Variants in HECTD2 observed in about 807,000 individuals in gnomAD.
HECTD2 encodes HECT domain E3 ubiquitin protein ligase 2, also known as probable E3 ubiquitin-protein ligase HECTD2.
HECTD2 carries 35 observed loss-of-function variants against 103.2 expected under a neutral mutation model. The ratio of observed to expected loss-of-function variants is 0.34; its 90% CI spans 0.26 to 0.45. The LOEUF (loss-of-function observed/expected upper bound fraction) is 0.45, where lower values mean the gene tolerates loss of function less well. Ranked by LOEUF, HECTD2 falls within the 20% of genes least tolerant of loss-of-function variation. HECTD2 has a pLI of 1.00. For synonymous variants in HECTD2, 281 were observed against 329.9 expected (o/e 0.85, Z 1.61); for missense variants, 596 against 937.4 (o/e 0.64, Z 4.76).
intron 1 of HECTD2, among the ~76,000 whole-genome samples, chr10:91,423,002 T>A (rs937593382): frequency 1.3e-5 from 2 of 152,172 alleles, no homozygotes; most frequent in Non-Finnish European, 2.9e-5. Context: ...TACACTTAGT[T>A]GTTCTGCTTA....
intron 20 of HECTD2, 59 bp from the exon 21 acceptor site, chr10:91,512,205 T>A (rs1847449595): frequency 1.9e-6 from 3 of 1,568,736 alleles, no homozygotes; most frequent in Non-Finnish European, 1.7e-6. Context: ...TAAAGTTGCA[T>A]AGCAGTCATT....
At chr10:91,458,536 T>C (rs1845209443) in intron 2 of HECTD2, among the ~76,000 whole-genome samples, 1 of 152,004 alleles carries the variant, frequency 6.6e-6, no homozygotes, top group Non-Finnish European at 1.5e-5. Context: ...ATTATATAGC[T>C]ACAATAATCA....
intron 5 of HECTD2, among the ~76,000 whole-genome samples, chr10:91,473,592 G>A (rs116732929): frequency 0.016 from 2,360 of 152,212 alleles, 58 homozygotes; most frequent in African/African-American, 0.054. Flanking sequence ...TTCCGCCTCT[G>A]CCATGTCTGA....
intron 8 of HECTD2, 132 bp downstream of exon 8, chr10:91,483,208 A>G (rs922600872): frequency 4.5e-6 from 2 of 441,044 alleles, no homozygotes. Context: ...CAATGCTTCA[A>G]AAGCCAGTTA....
chr10:91,429,893 A>C, intron 2 of HECTD2, among the ~76,000 whole-genome samples: 1 of 151,636 alleles, frequency 6.6e-6, no homozygotes, highest in Non-Finnish European at 1.5e-5. Flanking sequence ...TTCTGCTCTG[A>C]TTTTAGTTAT....
At chr10:91,486,661 T>A (rs1210118934) in intron 10 of HECTD2, 1 of 152,184 alleles carries the variant, frequency 6.6e-6, no homozygotes, top group Non-Finnish European at 1.5e-5. Context: ...AAGGGAAAGG[T>A]TGAGAACCCC....
At chr10:91,432,806 C>G (rs1004417227) in intron 2 of HECTD2, among the ~76,000 whole-genome samples, 1 of 151,920 alleles carries the variant, frequency 6.6e-6, no homozygotes, top group Non-Finnish European at 1.5e-5. Context: ...ATAATGAATT[C>G]TGTAGTTTTT....
intron 15 of HECTD2, among the ~76,000 whole-genome samples, chr10:91,497,069 C>T (rs1463508972): frequency 1.3e-5 from 2 of 149,524 alleles, no homozygotes; most frequent in Admixed American, 6.7e-5. Context: ...AAGTGATTCT[C>T]GTGCCTCAGC....
intron 2 of HECTD2, among the ~76,000 whole-genome samples, chr10:91,445,820 G>C (rs1274897349): frequency 2.0e-5 from 3 of 152,086 alleles, no homozygotes; most frequent in African/African-American, 7.2e-5. Context: ...GAAGTCGTGA[G>C]AGACTGTGCC....
chr10:91,502,392 C>T (rs1389292541), intron 20 of HECTD2, among the ~76,000 whole-genome samples: 2 of 152,184 alleles, frequency 1.3e-5, no homozygotes, highest in Non-Finnish European at 2.9e-5. Flanking sequence ...AGCCAAAAGT[C>T]ATTATGTATT....
chr10:91,431,921 G>A (rs2133069535), intron 2 of HECTD2, among the ~76,000 whole-genome samples: 2 of 152,144 alleles, frequency 1.3e-5, no homozygotes, highest in South Asian at 4.1e-4. Flanking sequence ...CATTACTGGT[G>A]AGGAACTGCG....
chr10:91,430,008 G>C (rs1843767460), intron 2 of HECTD2, among the ~76,000 whole-genome samples: 1 of 151,972 alleles, frequency 6.6e-6, no homozygotes, highest in African/African-American at 2.4e-5. Context: ...TTTCTCTTGT[G>C]GGCATTTAGT....
At position 91,421,140 on chromosome 10, in the gene HECTD2, C is replaced by T. The variant is rs901204345; in HGVS notation, c.139-4141C>T. On this transcript the variant is annotated intron_variant, in intron 1 of 20. Transcript: ENST00000298068. Reference sequence around the variant, plus strand: ...ATTTGTCAATTTATTTTGTATAGTCCGTGCCACCACCATTACCCTAAATCT... The same window carrying T: ...ATTTGTCAATTTATTTTGTATAGTCTGTGCCACCACCATTACCCTAAATCT... Among the ~76,000 whole-genome samples, 10 of 152,128 alleles carry T rather than the reference C, an allele frequency of 6.6e-5. No individual in the cohort carries two copies. The South Asian group carries it at 8.3e-4, about 13-fold the overall frequency.
chr10:91,444,661 T>G (rs1235824380), intron 2 of HECTD2, among the ~76,000 whole-genome samples: 1 of 152,212 alleles, frequency 6.6e-6, no homozygotes, highest in Non-Finnish European at 1.5e-5. Context: ...ACAGGCTTTC[T>G]GCCTGTTCTC....
At chr10:91,409,348 G>A (rs965047958), upstream of HECTD2, 1 of 152,206 alleles carries the variant, frequency 6.6e-6, no homozygotes, top group African/African-American at 2.4e-5. Flanking sequence ...ATAATTAAAA[G>A]CTCTCTTCTT....
At chr10:91,410,337 G>A (rs957705525), upstream of HECTD2, 59 of 634,710 alleles carry the variant, frequency 9.3e-5, no homozygotes, top group African/African-American at 1.1e-3. Flanking sequence ...GCTAGAAGCG[G>A]CAGCCCAGAG....
In HECTD2 at chr10:91,431,847, A is replaced by G. The variant is rs575480053; in HGVS notation, c.268+6437A>G. 4.1e-4 allele frequency among the ~76,000 whole-genome samples: 63 copies of G among 152,170 alleles called. No homozygotes were observed. In the South Asian group the frequency reaches 0.011, roughly 28 times the overall value. On this transcript the variant is annotated intron_variant, in intron 2 of 20. Transcript: ENST00000298068. The stretch of plus-strand genomic sequence containing the variant: ...TGAATTTCCTCCTGTAGCTCGGAGT[A>G]GTTTGATTGTCTGAAGCCTTCTTCT...
Position 91,490,890 on chromosome 10 carries a change from C to CAAAA in HECTD2, c.1192-284_1192-281dup, listed in dbSNP as rs61035151. 5.2e-3 allele frequency among the ~76,000 whole-genome samples: 71 copies of CAAAA among 13,586 alleles called. 2 individuals are homozygous for CAAAA. Among genetic ancestry groups the CAAAA allele is most frequent in the East Asian group, 0.022 (8 of 362 alleles). 8.9% of individuals were successfully genotyped at this position (13,586 alleles called of 152,430 possible). ...TGGGCGAAAGAGTGAGACTCCGTCT[C>CAAAA]AAAAAAAAAAAAAAAAAAAAAAAAA... On this transcript the variant is annotated intron_variant, in intron 11 of 20. Transcript: ENST00000298068.
At chr10:91,427,772 C>T (rs555506108) in intron 2 of HECTD2, among the ~76,000 whole-genome samples, 35 of 152,040 alleles carry the variant, frequency 2.3e-4, no homozygotes, top group Middle Eastern at 3.4e-3. Flanking sequence ...GAGTAGGTTG[C>T]GAAAATTTTC....
Sources: gnomAD v4.1 joint callset for allele counts (sites outside exome capture counted in the v4.1 genomes callset) on GRCh38, gnomAD v4.1.1 for gene constraint, MANE v1.5 for transcripts, NCBI Gene and HGNC (gene_info 2026-07-23, HGNC 2026-07-21) for gene names.